The following MRTFA variants were observed in gnomAD, a reference collection of about 807,000 sequenced individuals.
MRTFA encodes the protein myocardin-related transcription factor A.
In MRTFA, 20 loss-of-function variants were observed where a neutral mutation model predicts 83.5. That is an observed-to-expected ratio of 0.24 (90% CI 0.17 to 0.35). The LOEUF is 0.35. Ranked by LOEUF, MRTFA falls within the 10% of genes least tolerant of loss-of-function variation. MRTFA has a pLI of 1.00. For missense variants in MRTFA, 1,200 were observed against 1,224.7 expected (o/e 0.98, Z 0.30); for synonymous variants, 659 against 541.2 (o/e 1.22, Z -3.02).
intron 4 of MRTFA, among the ~76,000 whole-genome samples, chr22:40,454,700 GA>G (rs2147135087): frequency 6.6e-6 from 1 of 152,304 alleles, no homozygotes; most frequent in East Asian, 1.9e-4. Context: ...TGGGAGTTCA[GA>G]AAAGTTACTG....
intron 3 of MRTFA, among the ~76,000 whole-genome samples, chr22:40,498,252 C>CAT (rs200779719): frequency 0.056 from 4,324 of 77,480 alleles, 320 homozygotes; most frequent in Non-Finnish European, 0.062. Flanking sequence ...GTACACACTT[C>CAT]ATATATATAT....
At chr22:40,485,277 G>A (rs2054156576) in intron 3 of MRTFA, among the ~76,000 whole-genome samples, 2 of 151,996 alleles carry the variant, frequency 1.3e-5, no homozygotes, top group African/African-American at 2.4e-5. Flanking sequence ...CATCCCTAAG[G>A]AATCTCACTA....
intron 1 of MRTFA, among the ~76,000 whole-genome samples, chr22:40,596,924 G>T (rs1286532697): frequency 1.3e-5 from 2 of 150,820 alleles, no homozygotes; most frequent in African/African-American, 4.9e-5. Flanking sequence ...GCAATGAGCC[G>T]AGATCACACC....
chr22:40,445,338 T>C (rs981343147), intron 4 of MRTFA, among the ~76,000 whole-genome samples: 40 of 152,356 alleles, frequency 2.6e-4, no homozygotes, highest in African/African-American at 9.4e-4. Context: ...ATATCAGTTA[T>C]GACATTTTAC....
rs764446580 is a variant in MRTFA at position 40,417,385 on chromosome 22, G to T, written c.2473C>A (p.Pro825Thr). ...CTCATGGCTTCCTCATAGCCAGGTG[G>T]TTCCTTCTTCAGCAGAGAAGTGGGG... Residue 825 changes from proline to threonine, a missense_variant, in exon 13 of 15, where the codon CCA (proline) becomes ACA (threonine). Physicochemically the swap from Pro to Thr is conservative, Grantham distance 38. Coordinates refer to ENST00000355630, the MANE Select transcript of MRTFA (RefSeq NM_020831.6). 8.7e-6 allele frequency: 14 copies of T among 1,611,680 alleles called. No individual in the cohort carries two copies. The highest frequency in any genetic ancestry group is 1.0e-5 in the Non-Finnish European group (12 of 1,179,866).
At chr22:40,509,851 C>T (rs1266477092) in intron 3 of MRTFA, among the ~76,000 whole-genome samples, 1 of 151,380 alleles carries the variant, frequency 6.6e-6, no homozygotes, top group Non-Finnish European at 1.5e-5. Flanking sequence ...TTTCCAGCCC[C>T]AGTGCAAGGC....
At chr22:40,549,037 A>T (rs2055408448) in intron 3 of MRTFA, among the ~76,000 whole-genome samples, 1 of 152,168 alleles carries the variant, frequency 6.6e-6, no homozygotes, top group Non-Finnish European at 1.5e-5. Context: ...CTCAATATTT[A>T]AAAATGTGTA....
Position 40,411,410 on chromosome 22 carries a change from G to T in MRTFA, c.3076C>A (p.His1026Asn). Reference sequence around the variant, plus strand: ...GAGAGCTACAAGCAGGAATCCCAGTGCAGCTGCAAATCATGGCCATCGAGG... The same window carrying T: ...GAGAGCTACAAGCAGGAATCCCAGTTCAGCTGCAAATCATGGCCATCGAGG... The change falls in exon 15 of 15, where the codon CAC (histidine) becomes AAC (asparagine). Residue 1026 changes from histidine to asparagine, a missense_variant. By Grantham distance (68) the His-to-Asn change is moderately conservative. Coordinates refer to ENST00000355630, the MANE Select transcript of MRTFA (RefSeq NM_020831.6). 1 of 1,566,212 alleles carries T rather than the reference G, an allele frequency of 6.4e-7. No homozygotes were observed.
rs996861082 is a variant in MRTFA, at chr22:40,524,443, T to C, written c.241+27663A>G. ...TTTTGACAGAAAACTTCTGAGAGGT[T>C]CAGCAAATTGAGAGTAAATGAGTGT... On this transcript the variant is annotated intron_variant, in intron 3 of 14. Coordinates refer to ENST00000355630, the MANE Select transcript of MRTFA (RefSeq NM_020831.6). Among the ~76,000 whole-genome samples, 6 of 152,340 alleles carry C rather than the reference T, an allele frequency of 3.9e-5. No homozygotes were observed. The East Asian group carries it at 9.6e-4, about 24-fold the overall frequency.
At chr22:40,539,171 A>G (rs1457802837) in intron 3 of MRTFA, among the ~76,000 whole-genome samples, 1 of 145,882 alleles carries the variant, frequency 6.9e-6, no homozygotes, top group Admixed American at 6.8e-5. Context: ...ATTTTTATAT[A>G]TATTTTTAGT....
chr22:40,441,917 C>T (rs1472940005), intron 4 of MRTFA, among the ~76,000 whole-genome samples: 1 of 151,938 alleles, frequency 6.6e-6, no homozygotes, highest in Non-Finnish European at 1.5e-5. Context: ...AGTGTGTCGA[C>T]ACAGATGTGT....
intron 4 of MRTFA, among the ~76,000 whole-genome samples, chr22:40,449,036 C>A (rs563170689): frequency 2.0e-5 from 3 of 152,070 alleles, no homozygotes; most frequent in African/African-American, 4.8e-5. Context: ...GAGGCCGAGG[C>A]GGGTGGATCA....
chr22:40,612,757 G>A (rs1192723498), intron 1 of MRTFA, among the ~76,000 whole-genome samples: 3 of 152,188 alleles, frequency 2.0e-5, no homozygotes, highest in East Asian at 3.9e-4. Context: ...ATACCAGCCC[G>A]GACAACATAG....
chr22:40,412,032 C>A, intron 14 of MRTFA, 125 bp from the exon 15 acceptor site: 1 of 784,612 alleles, frequency 1.3e-6, no homozygotes, highest in African/African-American at 1.8e-5. Context: ...CAAAGACTTA[C>A]TTAAATGTAA....
intron 3 of MRTFA, among the ~76,000 whole-genome samples, chr22:40,491,279 T>A (rs1004551543): frequency 6.6e-6 from 1 of 151,828 alleles, no homozygotes; most frequent in Non-Finnish European, 1.5e-5. Flanking sequence ...GAGGTGGAGG[T>A]TGCAGTGAGC....
chr22:40,561,133 C>T (rs1332617358), intron 2 of MRTFA, among the ~76,000 whole-genome samples: 1 of 149,880 alleles, frequency 6.7e-6, no homozygotes, highest in Non-Finnish European at 1.5e-5. Flanking sequence ...ATCTTGAAAA[C>T]TCTTACTGTC....
rs904751557 is a variant in MRTFA at position 40,435,695 on chromosome 22, G to A, written c.308-141C>T. The A allele has an allele frequency of 1.1e-4, 88 of 793,486 alleles. 1 individual carries two copies. Among genetic ancestry groups the A allele is most frequent in the Middle Eastern group, 1.1e-3 (4 of 3,790 alleles). The allele number at this position is 793,486 out of a possible 1,614,324, so 49.2% of individuals were successfully genotyped here. On this transcript the variant is annotated intron_variant, in intron 4 of 14. Transcript: ENST00000355630. ...CGCCTGTAATCCCAACACTTTGGGA[G>A]GCTGAGGCAGGCAGATCACGAGGTC...
intron 3 of MRTFA, chr22:40,523,377 G>C (rs1267641640): frequency 6.6e-6 from 1 of 152,100 alleles, no homozygotes; most frequent in Non-Finnish European, 1.5e-5. Flanking sequence ...GTCTCACTTT[G>C]TGGCCCAGCT....
intron 1 of MRTFA, among the ~76,000 whole-genome samples, chr22:40,609,305 A>G (rs896193097): frequency 2.0e-5 from 3 of 151,092 alleles, no homozygotes; most frequent in African/African-American, 7.3e-5. Context: ...AAAAAAAAAA[A>G]AAATTACATT....
Sources: allele counts gnomAD v4.1 joint callset (sites outside exome capture counted in the v4.1 genomes callset), GRCh38; gene constraint gnomAD v4.1.1; transcripts MANE v1.5; gene names NCBI Gene and HGNC (gene_info 2026-07-23, HGNC 2026-07-21).